The following SLIT3 variants were observed in gnomAD, a reference collection of about 807,000 sequenced individuals.
The protein encoded by SLIT3 is slit homolog 3 protein.
A neutral mutation model predicts 184.0 loss-of-function variants in SLIT3; 68 were observed. The observed-to-expected ratio is 0.37, with a 90% CI of 0.30 to 0.45. The LOEUF is 0.45. Ranked by LOEUF, SLIT3 falls within the 20% of genes least tolerant of loss-of-function variation. The pLI is 1.00. For synonymous variants in SLIT3, 831 were observed against 828.6 expected, an observed-to-expected ratio of 1.00 and a Z score of -0.05; for missense variants, 1,707 against 2,026.0, an observed-to-expected ratio of 0.84 and a Z score of 3.02.
At chr5:168,769,489 A>C (rs1755466926) in intron 14 of SLIT3, among the ~76,000 whole-genome samples, 1 of 152,164 alleles carries the variant, frequency 6.6e-6, no homozygotes, top group Admixed American at 6.5e-5. Context: ...ATGTTGGACC[A>C]GTTAGGAAGA....
intron 4 of SLIT3, among the ~76,000 whole-genome samples, chr5:168,901,283 G>A (rs1760864165): frequency 6.6e-6 from 1 of 152,164 alleles, no homozygotes; most frequent in Non-Finnish European, 1.5e-5. Context: ...AGAATGACGT[G>A]AACCTGGGGG....
At chr5:169,132,912 A>G (rs1235894354) in intron 4 of SLIT3, among the ~76,000 whole-genome samples, 1 of 152,126 alleles carries the variant, frequency 6.6e-6, no homozygotes, top group Non-Finnish European at 1.5e-5. Context: ...CCAGGCATTT[A>G]TTTTTTTGAA....
At chr5:169,274,563 TG>T (rs2113637338) in intron 1 of SLIT3, among the ~76,000 whole-genome samples, 1 of 152,192 alleles carries the variant, frequency 6.6e-6, no homozygotes, top group East Asian at 1.9e-4. Flanking sequence ...TGAATGTTGA[TG>T]GAATGAATGA....
At chr5:168,755,909 T>C (rs1180076156) in intron 16 of SLIT3, among the ~76,000 whole-genome samples, 1 of 152,196 alleles carries the variant, frequency 6.6e-6, no homozygotes, top group Non-Finnish European at 1.5e-5. Flanking sequence ...GGGGGGCTTG[T>C]GTGGACCATC....
At chr5:168,748,249 A>C in intron 20 of SLIT3, 53 bp downstream of exon 20, 1 of 1,434,290 alleles carries the variant, frequency 7.0e-7, no homozygotes, top group Non-Finnish European at 9.1e-7. Context: ...AGTATGGAGG[A>C]TGCTGCTGGT....
intron 5 of SLIT3, among the ~76,000 whole-genome samples, chr5:168,865,061 G>A (rs1484209597): frequency 1.3e-5 from 2 of 151,802 alleles, no homozygotes; most frequent in South Asian, 2.1e-4. Context: ...CCAGCTACTT[G>A]GGAGGCTGAG....
intron 4 of SLIT3, among the ~76,000 whole-genome samples, chr5:169,182,996 C>T: frequency 6.6e-6 from 1 of 152,170 alleles, no homozygotes; most frequent in East Asian, 1.9e-4. Context: ...GTCACAGTTT[C>T]AACTCCACAG....
intron 4 of SLIT3, among the ~76,000 whole-genome samples, chr5:169,001,093 C>T (rs546451126): frequency 6.6e-6 from 1 of 152,232 alleles, no homozygotes; most frequent in Non-Finnish European, 1.5e-5. Flanking sequence ...ATCCATAGTA[C>T]TTTTCACATT....
intron 4 of SLIT3, among the ~76,000 whole-genome samples, chr5:168,901,145 G>A (rs1760854567): frequency 6.6e-6 from 1 of 152,110 alleles, no homozygotes; most frequent in African/African-American, 2.4e-5. Flanking sequence ...GGCGGATCAC[G>A]AGGTCAGGAG....
chr5:168,816,662 A>G (rs1018663224), intron 8 of SLIT3, among the ~76,000 whole-genome samples: 24 of 152,154 alleles, frequency 1.6e-4, no homozygotes, highest in Non-Finnish European at 3.1e-4. Context: ...TCAAACTCTT[A>G]TGTTTGCTCA....
intron 10 of SLIT3, chr5:168,790,091 T>C (rs1756311231): frequency 6.4e-6 from 1 of 156,808 alleles, no homozygotes; most frequent in South Asian, 2.0e-4. Flanking sequence ...TCCCAGAAAG[T>C]CCAGAGTCAT....
intron 10 of SLIT3, chr5:168,791,680 C>T (rs1386493588): frequency 6.6e-6 from 1 of 152,222 alleles, no homozygotes; most frequent in African/African-American, 2.4e-5. Flanking sequence ...ATAGCTAAGT[C>T]AAGCTACTTA....
chr5:169,150,771 AT>A, intron 4 of SLIT3, among the ~76,000 whole-genome samples: 1 of 152,208 alleles, frequency 6.6e-6, no homozygotes, highest in Admixed American at 6.5e-5. Flanking sequence ...GAGAGGTCTT[AT>A]CTACTGGTCT....
intron 4 of SLIT3, among the ~76,000 whole-genome samples, chr5:169,097,418 G>A (rs1291109125): frequency 6.6e-6 from 1 of 152,208 alleles, no homozygotes; most frequent in East Asian, 1.9e-4. Context: ...AAAAAAGGAG[G>A]AAGAAAGGTA....
At chr5:169,299,712 T>C (rs889655589) in intron 1 of SLIT3, among the ~76,000 whole-genome samples, 6 of 152,152 alleles carry the variant, frequency 3.9e-5, no homozygotes, top group Admixed American at 2.6e-4. Context: ...GGTTGCACAA[T>C]TGGGGCTAAA....
intron 4 of SLIT3, among the ~76,000 whole-genome samples, chr5:169,177,767 T>C (rs1456197804): frequency 6.6e-6 from 1 of 152,192 alleles, no homozygotes; most frequent in African/African-American, 2.4e-5. Flanking sequence ...TCCTAATGGA[T>C]TGTCTTCCCT....
At chr5:168,954,242 A>T (rs745409905) in intron 4 of SLIT3, among the ~76,000 whole-genome samples, 8 of 152,186 alleles carry the variant, frequency 5.3e-5, no homozygotes, top group Non-Finnish European at 1.2e-4. Context: ...ATTACCCCAA[A>T]TGATATCGGG....
intron 18 of SLIT3, among the ~76,000 whole-genome samples, chr5:168,751,047 T>G: frequency 7.0e-6 from 1 of 143,588 alleles, no homozygotes; most frequent in South Asian, 2.2e-4. Context: ...GGAGAGAGGC[T>G]AGGGGGAGGG....
intron 5 of SLIT3, among the ~76,000 whole-genome samples, chr5:168,864,869 T>A (rs1369533204): frequency 6.6e-6 from 1 of 152,152 alleles, no homozygotes; most frequent in Admixed American, 6.5e-5. Context: ...TTGGTCATTG[T>A]AGCAATATTA....
Sources: gnomAD v4.1 joint callset for allele counts (sites outside exome capture counted in the v4.1 genomes callset) on GRCh38, gnomAD v4.1.1 for gene constraint, MANE v1.5 for transcripts, NCBI Gene and HGNC (gene_info 2026-07-23, HGNC 2026-07-21) for gene names.